The following AKAP10 variants were observed in gnomAD, a reference collection of about 807,000 sequenced individuals.
AKAP10 encodes the protein A-kinase anchor protein 10, mitochondrial.
In AKAP10, 24 loss-of-function variants were observed where a neutral mutation model predicts 80.8. The ratio of observed to expected loss-of-function variants is 0.30; its 90% CI spans 0.22 to 0.42. The LOEUF (loss-of-function observed/expected upper bound fraction) is 0.42. Ranked by LOEUF, AKAP10 falls within the 10% of genes least tolerant of loss-of-function variation. The pLI is 1.00. For missense variants in AKAP10, 661 were observed against 794.9 expected, an observed-to-expected ratio of 0.83 and a Z score of 2.03; for synonymous variants, 291 against 277.7, an observed-to-expected ratio of 1.05 and a Z score of -0.48.
In AKAP10 at chr17:19,915,162, A is replaced by G. The variant is rs75748212; in HGVS notation, c.1834+4874T>C. ...CCATTCAGGCAACATTTTAATGTAC[A>G]GACCAATATACAGAGAGGCTTTCAA... On this transcript the variant is annotated intron_variant, in intron 12 of 14. Transcript: ENST00000225737. Among the ~76,000 whole-genome samples the G allele has an allele frequency of 2.7e-3, 407 of 152,374 alleles. 15 individuals carry two copies. The East Asian group carries it at 0.074, about 28-fold the overall frequency.
intron 10 of AKAP10, among the ~76,000 whole-genome samples, chr17:19,928,292 A>C (rs1042624391): frequency 6.6e-6 from 1 of 152,212 alleles, no homozygotes; most frequent in Non-Finnish European, 1.5e-5. Context: ...ATTTTTCCAA[A>C]GCTAGAACAA....
At position 19,947,520 on chromosome 17, in the gene AKAP10, G is replaced by T; in HGVS notation, c.878-15C>A. On this transcript the variant is annotated splice_polypyrimidine_tract_variant and intron_variant, in intron 4 of 14. Transcript: ENST00000225737. Reference sequence around the variant, plus strand: ...TTGTTCTATACCTGCAAGGGAAGAAGAGAACTTCAAAAACCAAAAAGCAAC... The same window carrying T: ...TTGTTCTATACCTGCAAGGGAAGAATAGAACTTCAAAAACCAAAAAGCAAC... 1 of 1,595,158 alleles carries T rather than the reference G, an allele frequency of 6.3e-7. No homozygotes were observed. The highest frequency in any genetic ancestry group is 8.6e-7 in the Non-Finnish European group (1 of 1,164,056).
intron 10 of AKAP10, among the ~76,000 whole-genome samples, chr17:19,930,899 CG>C (rs1446952178): frequency 1.3e-5 from 2 of 151,902 alleles, no homozygotes; most frequent in African/African-American, 4.8e-5. Flanking sequence ...TTAGTAGAGA[CG>C]GGGTTTCACC....
chr17:19,908,467 T>C (rs1276331227), intron 14 of AKAP10, among the ~76,000 whole-genome samples: 3 of 152,106 alleles, frequency 2.0e-5, no homozygotes, highest in Admixed American at 6.6e-5. Context: ...AGCCTACTAA[T>C]TTCTGGGGGG....
At chr17:19,974,538 C>T (rs932673162) in intron 1 of AKAP10, among the ~76,000 whole-genome samples, 3 of 152,106 alleles carry the variant, frequency 2.0e-5, no homozygotes, top group Middle Eastern at 3.4e-3. Context: ...ACAAACTGAA[C>T]CTAAAGTTGG....
intron 9 of AKAP10, among the ~76,000 whole-genome samples, chr17:19,933,370 T>G (rs2042958897): frequency 6.6e-6 from 1 of 152,192 alleles, no homozygotes; most frequent in African/African-American, 2.4e-5. Flanking sequence ...AACACATTTA[T>G]TTTGTTTACC....
intron 3 of AKAP10, among the ~76,000 whole-genome samples, chr17:19,962,520 C>T (rs1374419249): frequency 6.6e-6 from 1 of 152,146 alleles, no homozygotes; most frequent in East Asian, 1.9e-4. Context: ...AAAAAATATG[C>T]TAATGTGTTA....
intron 12 of AKAP10, among the ~76,000 whole-genome samples, chr17:19,918,823 A>G (rs2042778442): frequency 6.6e-6 from 1 of 152,228 alleles, no homozygotes; most frequent in African/African-American, 2.4e-5. Context: ...TGCACTTGAC[A>G]AAAAAGATTT....
intron 10 of AKAP10, among the ~76,000 whole-genome samples, chr17:19,930,954 C>T (rs1236063478): frequency 6.6e-6 from 1 of 152,072 alleles, no homozygotes; most frequent in Non-Finnish European, 1.5e-5. Context: ...CGTGATCTGC[C>T]TGCCTCGGTC....
At chr17:19,974,194 A>G (rs2043535717) in intron 1 of AKAP10, among the ~76,000 whole-genome samples, 1 of 152,186 alleles carries the variant, frequency 6.6e-6, no homozygotes, top group Non-Finnish European at 1.5e-5. Context: ...TCCATCTCAA[A>G]AAAAAGAAAA....
rs776201039 is a variant in AKAP10, at chr17:19,962,808, A to C, written c.319+32T>G. 3.1e-6 allele frequency: 5 copies of C among 1,596,730 alleles called. No homozygotes were observed. In the Admixed American group the frequency reaches 6.8e-5, roughly 22 times the overall value. ...CACATATTGTACTCAAATCCTTCTA[A>C]TACAAGTTAATAAAAAATGATAGTT... On this transcript the variant is annotated intron_variant, in intron 3 of 14. Transcript: ENST00000225737.
intron 10 of AKAP10, among the ~76,000 whole-genome samples, chr17:19,926,846 T>G (rs907934625): frequency 1.3e-5 from 2 of 152,178 alleles, no homozygotes; most frequent in African/African-American, 4.8e-5. Context: ...TTTGGCCGGG[T>G]GCAGTGGCTC....
chr17:19,908,641 A>T (rs1366880372), intron 14 of AKAP10, among the ~76,000 whole-genome samples: 1 of 151,804 alleles, frequency 6.6e-6, no homozygotes, highest in Non-Finnish European at 1.5e-5. Flanking sequence ...GAGCTCTCTG[A>T]ACTTTGATTT....
At chr17:19,920,239 C>A in intron 11 of AKAP10, 121 bp from the exon 12 acceptor site, 1 of 662,454 alleles carries the variant, frequency 1.5e-6, no homozygotes, top group Non-Finnish European at 2.6e-6. Flanking sequence ...TTATAGCTAT[C>A]CTAAGTAATT....
chr17:19,919,974 G>C, intron 12 of AKAP10, 62 bp downstream of exon 12: 1 of 1,401,510 alleles, frequency 7.1e-7, no homozygotes, highest in East Asian at 2.3e-5. Flanking sequence ...AGTGGTCTTT[G>C]ACTTACAGTC....
Position 19,931,661 on chromosome 17 carries a change from G to C in AKAP10, c.1641+144C>G. 5.2e-6 allele frequency: 5 copies of C among 952,932 alleles called. No homozygotes were observed. In the South Asian group the frequency reaches 6.1e-5, roughly 12 times the overall value. The allele number at this position is 952,932 out of a possible 1,614,324, so 59.0% of individuals were successfully genotyped here. A position where few individuals can be genotyped will look rare whatever the true frequency, so the allele number is the denominator to read the frequency against. On this transcript the variant is annotated intron_variant, in intron 10 of 14. Transcript: ENST00000225737. ...CCACCGCAGCCTCCCAAAGTGCTGG[G>C]ATTACAGGCACAGGCCACTGTGCCT...
chr17:19,940,826 A>G (rs2043043978), intron 7 of AKAP10, 61 bp downstream of exon 7: 2 of 1,510,422 alleles, frequency 1.3e-6, no homozygotes, highest in Admixed American at 2.4e-5. Flanking sequence ...ACAGGGCCCC[A>G]GCATTGATAG....
intron 2 of AKAP10, 75 bp from the exon 3 acceptor site, chr17:19,963,097 A>G (rs1296844420): frequency 2.3e-6 from 3 of 1,278,998 alleles, no homozygotes; most frequent in African/African-American, 3.0e-5. Context: ...GGGCTTTCAG[A>G]GAACTTTAAA....
At chr17:19,941,232 A>G (rs2152414512) in intron 6 of AKAP10, among the ~76,000 whole-genome samples, 1 of 152,328 alleles carries the variant, frequency 6.6e-6, no homozygotes, top group South Asian at 2.1e-4. Context: ...ATGCCACTTC[A>G]TATTACAGTA....
Sources: allele counts gnomAD v4.1 joint callset (sites outside exome capture counted in the v4.1 genomes callset), GRCh38; gene constraint gnomAD v4.1.1; transcripts MANE v1.5; gene names NCBI Gene and HGNC (gene_info 2026-07-23, HGNC 2026-07-21).